The following MTCH1 variants were observed in gnomAD, a reference collection of about 807,000 sequenced individuals.
The protein encoded by MTCH1 is mitochondrial carrier 1.
MTCH1 carries 23 observed loss-of-function variants against 49.3 expected under a neutral mutation model. That is an observed-to-expected ratio of 0.47 (90% confidence interval 0.34 to 0.66). The LOEUF (loss-of-function observed/expected upper bound fraction) is 0.66. Ranked by LOEUF, MTCH1 falls within the 30% of genes least tolerant of loss-of-function variation. The probability of loss-of-function intolerance (pLI) is 0.01; values close to 1 mark genes in which losing one functional copy is unlikely to be tolerated. For synonymous variants in MTCH1, 229 were observed against 215.2 expected, an observed-to-expected ratio of 1.06 and a Z score of -0.56; for missense variants, 397 against 532.1, an observed-to-expected ratio of 0.75 and a Z score of 2.50.
upstream of MTCH1, among the ~76,000 whole-genome samples, chr6:36,986,489 A>G (rs1319269844): frequency 2.0e-5 from 3 of 152,074 alleles, no homozygotes; most frequent in Non-Finnish European, 4.4e-5. Flanking sequence ...TGGCTGCCAG[A>G]CGTCCCCAAT....
chr6:36,969,941 C>T, intron 11 of MTCH1, 98 bp downstream of exon 11: 1 of 1,558,634 alleles, frequency 6.4e-7, no homozygotes, highest in Non-Finnish European at 8.7e-7. Context: ...TCCATGAAAC[C>T]ACTTATCTTT....
In MTCH1 at chr6:36,977,513, C is replaced by A; in HGVS notation, c.649+121G>T. ...GTGGGTTCCAGTAGAATACCCCCAA[C>A]CCCACTACCACTTCCCAACAGGTCT... On this transcript the variant is annotated intron_variant, in intron 5 of 11. Transcript: ENST00000373627. This position sits in a 1 kb window ranked among gnomAD's most constrained non-coding sequence, Gnocchi z 5.4. The A allele has an allele frequency of 2.7e-6, 2 of 745,366 alleles. No individual in the cohort carries two copies. The highest frequency in any genetic ancestry group is 4.5e-6 in the Non-Finnish European group (2 of 441,752). 46.2% of individuals were successfully genotyped at this position (745,366 alleles called of 1,614,324 possible).
In MTCH1 at chr6:36,972,803, A is replaced by C; in HGVS notation, c.762-7T>G. Reference sequence around the variant, plus strand: ...GAGGTGAGGGATTAATCCACTAAAAAACAAGGTAAGCAGAGATGAGCAGGA... The same window carrying C: ...GAGGTGAGGGATTAATCCACTAAAACACAAGGTAAGCAGAGATGAGCAGGA... On this transcript the variant is annotated splice_polypyrimidine_tract_variant and splice_region_variant and intron_variant, in intron 7 of 11. Coordinates refer to ENST00000373627, the MANE Select transcript of MTCH1 (RefSeq NM_001271641.2). This position sits in a 1 kb window ranked among gnomAD's most constrained non-coding sequence, Gnocchi z 4.1. The C allele has an allele frequency of 6.5e-7, 1 of 1,547,188 alleles. No homozygotes were observed. Among genetic ancestry groups the C allele is most frequent in the Non-Finnish European group, 8.7e-7 (1 of 1,143,406 alleles).
At position 36,972,508 on chromosome 6, in the gene MTCH1, A is replaced by T; in HGVS notation, c.906+144T>A. On this transcript the variant is annotated intron_variant, in intron 8 of 11. Coordinates refer to ENST00000373627, the MANE Select transcript of MTCH1 (RefSeq NM_001271641.2). This position sits in a 1 kb window ranked among gnomAD's most constrained non-coding sequence, Gnocchi z 4.1. ...CGCCTCTTGAGGCCGTTCTCCCCTT[A>T]GACAAAGATGACTCCAGGGATAATG... The T allele has an allele frequency of 1.0e-6, 1 of 998,150 alleles. No homozygotes were observed. Among genetic ancestry groups the T allele is most frequent in the Non-Finnish European group, 1.4e-6 (1 of 714,394 alleles). The allele number at this position is 998,150 out of a possible 1,614,324, so 61.8% of individuals were successfully genotyped here. A position where few individuals can be genotyped will look rare whatever the true frequency, so the allele number is the denominator to read the frequency against.
chr6:36,970,285 G>A, intron 10 of MTCH1, 121 bp downstream of exon 10: 1 of 1,468,106 alleles, frequency 6.8e-7, no homozygotes, highest in Non-Finnish European at 9.4e-7. Flanking sequence ...CAGGGTGCCT[G>A]GCAGGCCAAG....
chr6:36,986,167 C>CT lies in MTCH1; in HGVS notation c.6dup (p.Ala3SerfsTer80), dbSNP rs1287965519. 3.5e-6 allele frequency: 5 copies of CT among 1,431,216 alleles called. No individual in the cohort carries two copies. The highest frequency in any genetic ancestry group is 3.0e-5 in the African/African-American group (2 of 66,058). The allele number at this position is 1,431,216 out of a possible 1,614,324, so 88.7% of individuals were successfully genotyped here. The stretch of plus-strand genomic sequence containing the variant: ...CAGGGCGCCACTTCCGGGTCCGAAG[C>CT]TCCCATGGCGCCCGGCGGCGAGGTC... On this transcript the variant is annotated frameshift_variant, in exon 1 of 12. Transcript: ENST00000373627. LOFTEE classifies it high-confidence loss of function.
rs780641919 is a variant in MTCH1 at position 36,970,119 on chromosome 6, C to G, written c.1023-5G>C. 2 of 1,613,650 alleles carry G rather than the reference C, an allele frequency of 1.2e-6. No individual in the cohort carries two copies. The highest frequency in any genetic ancestry group is 2.2e-5 in the East Asian group (1 of 44,866). ...GGGGGGAGCCCAGCTTGCAGCCTGC[C>G]GGAGAAGGAGAGTGTAGATGCAGAG... On this transcript the variant is annotated splice_polypyrimidine_tract_variant and splice_region_variant and intron_variant, in intron 10 of 11. Coordinates refer to ENST00000373627, the MANE Select transcript of MTCH1 (RefSeq NM_001271641.2).
rs1470530486 is a variant in MTCH1, at chr6:36,982,062, C to T, written c.322-390G>A. On this transcript the variant is annotated intron_variant, in intron 1 of 11. Transcript: ENST00000373627. This position sits in a 1 kb window ranked among gnomAD's most constrained non-coding sequence, Gnocchi z 4.1. ...CTCCAGATGAAAAACTTCATTCCAA[C>T]CTCAATTCCAAATGTGGCAATAAGA... Among the ~76,000 whole-genome samples, 2 of 152,196 alleles carry T rather than the reference C, an allele frequency of 1.3e-5. No homozygotes were observed. Among genetic ancestry groups the T allele is most frequent in the Non-Finnish European group, 2.9e-5 (2 of 68,024 alleles).
chr6:36,985,616 T>C (rs1343359410), intron 1 of MTCH1, among the ~76,000 whole-genome samples: 2 of 151,976 alleles, frequency 1.3e-5, no homozygotes, highest in Non-Finnish European at 2.9e-5. Context: ...CCCTCTCCCG[T>C]ATCTGTTATT....
chr6:36,968,839 C>T lies in MTCH1; in HGVS notation c.*64G>A. On this transcript the variant is annotated 3_prime_UTR_variant, in exon 12 of 12. Transcript: ENST00000373627. Reference sequence around the variant, plus strand: ...TGGGTTGGAGTCGTCTTGCAGGTGTCCCAAGGTGGTCAGGCCTCACCCACG... The same window carrying T: ...TGGGTTGGAGTCGTCTTGCAGGTGTTCCAAGGTGGTCAGGCCTCACCCACG... The T allele has an allele frequency of 6.2e-7, 1 of 1,610,982 alleles. No homozygotes were observed. Among genetic ancestry groups the T allele is most frequent in the Non-Finnish European group, 8.5e-7 (1 of 1,177,896 alleles).
chr6:36,969,571 GC>G, intron 11 of MTCH1: 1 of 1,162,242 alleles, frequency 8.6e-7, no homozygotes, highest in Non-Finnish European at 1.1e-6. Context: ...TCCCCACGTG[GC>G]CCAGCCCCAC....
At position 36,977,727 on chromosome 6, in the gene MTCH1, C is replaced by T. The variant is rs770016366; in HGVS notation, c.592-36G>A. 9.0e-6 allele frequency: 14 copies of T among 1,562,366 alleles called. No individual in the cohort carries two copies. The highest frequency in any genetic ancestry group is 1.7e-4 in the Middle Eastern group (1 of 5,972). On this transcript the variant is annotated intron_variant, in intron 4 of 11. Transcript: ENST00000373627. This position sits in a 1 kb window ranked among gnomAD's most constrained non-coding sequence, Gnocchi z 5.4. The stretch of plus-strand genomic sequence containing the variant: ...GCATGGGGTGGGGACTCGCCACCCT[C>T]GGCCTGTCTCTGGAACTGGCCCTCG...
intron 1 of MTCH1, among the ~76,000 whole-genome samples, chr6:36,984,947 A>T (rs1419749834): frequency 6.6e-6 from 1 of 151,354 alleles, no homozygotes; most frequent in African/African-American, 2.4e-5. Flanking sequence ...CCTCTCTCTG[A>T]CCCCAACTAT....
intron 6 of MTCH1, 70 bp from the exon 7 acceptor site, chr6:36,975,787 G>A: frequency 7.0e-7 from 1 of 1,435,434 alleles, no homozygotes; most frequent in Admixed American, 1.7e-5. Context: ...GTTGGTGTGG[G>A]GCTGAGCCCA....
At chr6:36,969,367 CG>C (rs1224860008) in intron 11 of MTCH1, 21 of 1,079,256 alleles carry the variant, frequency 1.9e-5, no homozygotes, top group Non-Finnish European at 2.0e-5. Context: ...TTCTCAGCCT[CG>C]AGGCCACTCA....
In MTCH1 at chr6:36,973,189, A is replaced by C. The variant is rs1763743084; in HGVS notation, c.762-393T>G. On this transcript the variant is annotated intron_variant, in intron 7 of 11. Transcript: ENST00000373627. ...TCTCAGAAGACACACTGCTCAATGC[A>C]TCTGTTCTCTTTGCCCCTGAAAATA... 2.0e-5 allele frequency among the ~76,000 whole-genome samples: 3 copies of C among 152,332 alleles called. No homozygotes were observed. In the South Asian group the frequency reaches 6.2e-4, roughly 32 times the overall value.
At position 36,973,335 on chromosome 6, in the gene MTCH1, G is replaced by A. The variant is rs76303284; in HGVS notation, c.762-539C>T. 2.0e-3 allele frequency among the ~76,000 whole-genome samples: 303 copies of A among 152,292 alleles called. 1 individual carries two copies. The highest frequency in any genetic ancestry group is 6.8e-3 in the African/African-American group (283 of 41,564). ...GGTTCCCCAAGATGCAGTGCTGAGGGCAAAAGGCCAGTTTGAGGTCAGTGA... is the reference window on the plus strand; with the variant it reads ...GGTTCCCCAAGATGCAGTGCTGAGGACAAAAGGCCAGTTTGAGGTCAGTGA... On this transcript the variant is annotated intron_variant, in intron 7 of 11. Transcript: ENST00000373627.
chr6:36,980,788 C>T (rs554142915), intron 2 of MTCH1, among the ~76,000 whole-genome samples: 1 of 152,312 alleles, frequency 6.6e-6, no homozygotes, highest in South Asian at 2.1e-4. Context: ...AAAAAGGGCA[C>T]ATTTAAAGAA....
At chr6:36,985,727 AAACCCGCCGTC>A in intron 1 of MTCH1, 115 bp downstream of exon 1, 2 of 88,674 alleles carry the variant, frequency 2.3e-5, no homozygotes, top group Non-Finnish European at 2.1e-5. Context: ...TCGGCCCCCC[AAACCCGCCGTC>A]CCCACCCCTC....
Sources: allele counts gnomAD v4.1 joint callset (sites outside exome capture counted in the v4.1 genomes callset), GRCh38; gene constraint gnomAD v4.1.1; non-coding constraint Gnocchi (gnomAD v3.1); transcripts MANE v1.5; gene names NCBI Gene and HGNC (gene_info 2026-07-23, HGNC 2026-07-21).